The following ZSWIM6 variants were observed in gnomAD, a reference collection of about 807,000 sequenced individuals.
The protein encoded by ZSWIM6 is zinc finger SWIM-type containing 6.
A neutral mutation model predicts 113.2 loss-of-function variants in ZSWIM6; 9 were observed. The ratio of observed to expected loss-of-function variants is 0.08; its 90% confidence interval spans 0.05 to 0.14. The LOEUF (loss-of-function observed/expected upper bound fraction) is 0.14. Ranked by LOEUF, ZSWIM6 falls within the 10% of genes least tolerant of loss-of-function variation. The pLI is 1.00. For missense variants in ZSWIM6, 1,162 were observed against 1,552.2 expected (o/e 0.75, Z 4.22); for synonymous variants, 611 against 606.5 (o/e 1.01, Z -0.11).
intron 12 of ZSWIM6, among the ~76,000 whole-genome samples, chr5:61,541,303 T>C (rs1304163205): frequency 6.6e-6 from 1 of 152,158 alleles, no homozygotes; most frequent in Non-Finnish European, 1.5e-5. Flanking sequence ...GATATGTTTA[T>C]TTAGGGACTT....
At chr5:61,384,569 C>T (rs1033428591) in intron 1 of ZSWIM6, among the ~76,000 whole-genome samples, 7 of 152,080 alleles carry the variant, frequency 4.6e-5, no homozygotes, top group South Asian at 2.1e-4. Context: ...GATGGATAGG[C>T]GACCAGTTTG....
intron 4 of ZSWIM6, 145 bp from the exon 5 acceptor site, chr5:61,521,117 CT>C (rs1749105620): frequency 2.8e-6 from 1 of 351,448 alleles, no homozygotes; most frequent in Non-Finnish European, 4.3e-6. Flanking sequence ...TTATAATTAA[CT>C]TGATAATTTA....
chr5:61,415,524 ACAGGTTG>A (rs1477196214), intron 1 of ZSWIM6, among the ~76,000 whole-genome samples: 11 of 151,716 alleles, frequency 7.3e-5, no homozygotes, highest in Non-Finnish European at 1.6e-4. Flanking sequence ...CCAGGGAGTC[ACAGGTTG>A]CAGTGAGCCG....
At position 61,399,705 on chromosome 5, in the gene ZSWIM6, A is replaced by G. The variant is rs958197045; in HGVS notation, c.676+66757A>G. Among the ~76,000 whole-genome samples, 8 of 152,214 alleles carry G rather than the reference A, an allele frequency of 5.3e-5. No homozygotes were observed. In the South Asian group the frequency reaches 1.7e-3, roughly 31 times the overall value. On this transcript the variant is annotated intron_variant, in intron 1 of 13. Coordinates refer to ENST00000252744, the MANE Select transcript of ZSWIM6 (RefSeq NM_020928.2). ...AAAAACAATCAAAATCTCTTGTCCTAAACACTGTAATTGGTTTCTCCAATT... is the reference window on the plus strand; with the variant it reads ...AAAAACAATCAAAATCTCTTGTCCTGAACACTGTAATTGGTTTCTCCAATT...
intron 1 of ZSWIM6, among the ~76,000 whole-genome samples, chr5:61,341,555 A>G (rs1744545377): frequency 6.6e-6 from 1 of 152,188 alleles, no homozygotes; most frequent in Admixed American, 6.5e-5. Flanking sequence ...CCGAGAACCT[A>G]TTGATGGCAT....
chr5:61,428,213 G>T (rs1176537636), intron 1 of ZSWIM6, among the ~76,000 whole-genome samples: 5 of 152,124 alleles, frequency 3.3e-5, no homozygotes, highest in Non-Finnish European at 7.4e-5. Flanking sequence ...TTGACTTAAA[G>T]TTAAGGACTG....
In ZSWIM6 at chr5:61,525,831, C is replaced by T. The variant is rs952813743; in HGVS notation, c.1545C>T (p.Phe515=). 8.4e-6 allele frequency: 13 copies of T among 1,551,694 alleles called. No homozygotes were observed. The African/African-American group carries it at 1.4e-4, about 16-fold the overall frequency. Residue 515 remains phenylalanine, a synonymous_variant, in exon 6 of 14, where the codon TTC becomes TTT. Transcript: ENST00000252744. ...CGAACAGGCCACATCGGACAGTGTT[C>T]ACCCGAGCCATCGAGGCATGCGATC... ...DSSNRPHRTV[F]TRAIEACDLH... is the part of the protein sequence containing the mutation.
At chr5:61,342,928 C>T (rs1205882048) in intron 1 of ZSWIM6, among the ~76,000 whole-genome samples, 1 of 151,952 alleles carries the variant, frequency 6.6e-6, no homozygotes, top group Non-Finnish European at 1.5e-5. Flanking sequence ...GAATGAATTT[C>T]AGCTTTGGAG....
chr5:61,490,700 AAGT>A, intron 2 of ZSWIM6, 83 bp from the exon 3 acceptor site: 1 of 1,342,250 alleles, frequency 7.5e-7, no homozygotes, highest in African/African-American at 1.5e-5. Flanking sequence ...TTGAATTAAA[AAGT>A]AGGCAAAAAG....
intron 1 of ZSWIM6, among the ~76,000 whole-genome samples, chr5:61,346,835 C>T (rs1744669016): frequency 6.6e-6 from 1 of 152,130 alleles, no homozygotes. Flanking sequence ...GATTGTATTG[C>T]ATTTTTGCTT....
intron 2 of ZSWIM6, among the ~76,000 whole-genome samples, chr5:61,477,127 G>A (rs1167971983): frequency 3.3e-5 from 5 of 152,080 alleles, no homozygotes; most frequent in East Asian, 3.9e-4. Context: ...CCTCTCCTAC[G>A]GCTTTTCGTA....
chr5:61,334,895 T>G (rs1340617998), intron 1 of ZSWIM6, among the ~76,000 whole-genome samples: 2 of 129,122 alleles, frequency 1.5e-5, no homozygotes, highest in Admixed American at 7.7e-5. Context: ...TGTTGAGGGT[T>G]TTTTTTTTTT....
At chr5:61,542,084 G>A in intron 13 of ZSWIM6, 119 bp downstream of exon 13, 1 of 864,356 alleles carries the variant, frequency 1.2e-6, no homozygotes, top group East Asian at 2.7e-5. Flanking sequence ...GCTCCTTCTA[G>A]CAGTCCACAA....
intron 1 of ZSWIM6, among the ~76,000 whole-genome samples, chr5:61,371,300 C>T (rs1448258262): frequency 1.3e-5 from 2 of 152,176 alleles, no homozygotes; most frequent in African/African-American, 4.8e-5. Flanking sequence ...CAACTATCTA[C>T]ACTTATTATG....
intron 2 of ZSWIM6, among the ~76,000 whole-genome samples, chr5:61,487,897 A>G (rs975078669): frequency 2.0e-5 from 3 of 152,042 alleles, no homozygotes; most frequent in African/African-American, 7.2e-5. Context: ...TGCTCTGAGT[A>G]GGACTTCCAG....
intron 1 of ZSWIM6, among the ~76,000 whole-genome samples, chr5:61,405,569 G>A (rs1244711600): frequency 6.6e-6 from 1 of 152,212 alleles, no homozygotes; most frequent in Non-Finnish European, 1.5e-5. Flanking sequence ...TTGCATTAGA[G>A]ATTGGTATTT....
chr5:61,432,757 T>C (rs1008488915), intron 1 of ZSWIM6, among the ~76,000 whole-genome samples: 3 of 152,214 alleles, frequency 2.0e-5, no homozygotes, highest in Admixed American at 2.0e-4. Flanking sequence ...TTGGTTATGA[T>C]ATAAGGAAGT....
Position 61,545,618 on chromosome 5 carries a change from G to C in ZSWIM6, c.*1301G>C, listed in dbSNP as rs1256889906. On this transcript the variant is annotated 3_prime_UTR_variant, in exon 14 of 14. Transcript: ENST00000252744. The stretch of plus-strand genomic sequence containing the variant: ...AGGTATTTTGACTTTGTGCAGGACA[G>C]AAAGTTGTGTAGGTATGACTGTTCT... 1 of 152,074 alleles carries C rather than the reference G, an allele frequency of 6.6e-6. No individual in the cohort carries two copies. Among genetic ancestry groups the C allele is most frequent in the African/African-American group, 2.4e-5 (1 of 41,410 alleles). The allele number at this position is 152,074 out of a possible 1,614,324, so 9.4% of individuals were successfully genotyped here.
At chr5:61,359,955 A>G (rs10061522) in intron 1 of ZSWIM6, among the ~76,000 whole-genome samples, 24,184 of 152,014 alleles carry the variant, frequency 0.16, 2,166 homozygotes, top group African/African-American at 0.22. Context: ...GAACAAAAAG[A>G]AAAAAGTGTG....
Sources: allele counts gnomAD v4.1 joint callset (sites outside exome capture counted in the v4.1 genomes callset), GRCh38; gene constraint gnomAD v4.1.1; transcripts MANE v1.5; gene names NCBI Gene and HGNC (gene_info 2026-07-23, HGNC 2026-07-21).